Variants in SLC22A23 observed in about 807,000 individuals in gnomAD.
The protein encoded by SLC22A23 is solute carrier family 22 member 23, also known as ion transporter protein.
In SLC22A23, 26 loss-of-function variants were observed where a neutral mutation model predicts 61.0. The ratio of observed to expected loss-of-function variants is 0.43; its 90% CI spans 0.31 to 0.59. The LOEUF (loss-of-function observed/expected upper bound fraction) is 0.59, where lower values mean the gene tolerates loss of function less well. SLC22A23 is among the 20% of genes least tolerant of loss of function. The pLI is 0.11. For missense variants in SLC22A23, 796 were observed against 934.7 expected (o/e 0.85, Z 1.94); for synonymous variants, 430 against 413.9 (o/e 1.04, Z -0.47).
Position 3,272,645 on chromosome 6 carries a change from G to A in SLC22A23, c.*410C>T, listed in dbSNP as rs930207723. On this transcript the variant is annotated 3_prime_UTR_variant, in exon 10 of 10. Transcript: ENST00000406686. ...TGCACGCAGGCAGGCAGCCTGGGGG[G>A]CTCCTGGGTGCTGCCAGGAGCCGTG... 6.4e-6 allele frequency: 1 copy of A among 155,964 alleles called. No individual in the cohort carries two copies. Among genetic ancestry groups the A allele is most frequent in the Non-Finnish European group, 1.4e-5 (1 of 70,364 alleles). 9.7% of individuals were successfully genotyped at this position (155,964 alleles called of 1,614,324 possible). A position where few individuals can be genotyped will look rare whatever the true frequency, so the allele number is the denominator to read the frequency against.
At chr6:3,356,104 G>A (rs1278015761) in intron 3 of SLC22A23, among the ~76,000 whole-genome samples, 1 of 46,158 alleles carries the variant, frequency 2.2e-5, no homozygotes. Flanking sequence ...AGGAGGCGGG[G>A]GTGGGTGGAG....
intron 3 of SLC22A23, among the ~76,000 whole-genome samples, chr6:3,408,298 T>G (rs1768966370): frequency 6.6e-6 from 1 of 152,262 alleles, no homozygotes; most frequent in South Asian, 2.1e-4. Context: ...CAGCTCACTA[T>G]GTAATCTAAT....
chr6:3,368,697 G>A (rs1766001567), intron 3 of SLC22A23, among the ~76,000 whole-genome samples: 1 of 152,140 alleles, frequency 6.6e-6, no homozygotes, highest in Admixed American at 6.6e-5. Flanking sequence ...CAATAGAATG[G>A]GGAATCATTA....
intron 2 of SLC22A23, among the ~76,000 whole-genome samples, chr6:3,415,151 C>T (rs557335030): frequency 3.9e-5 from 6 of 152,330 alleles, no homozygotes; most frequent in African/African-American, 7.2e-5. Context: ...CTAATGTTAT[C>T]ATTATTGCAT....
At chr6:3,283,731 C>G (rs2127308616) in intron 9 of SLC22A23, 121 bp downstream of exon 9, 1 of 1,528,658 alleles carries the variant, frequency 6.5e-7, no homozygotes, top group Non-Finnish European at 8.8e-7. Context: ...AACCACGAAG[C>G]TGATGTGTCC....
chr6:3,288,218 A>T (rs942718753), intron 6 of SLC22A23, among the ~76,000 whole-genome samples: 2 of 151,978 alleles, frequency 1.3e-5, no homozygotes, highest in Non-Finnish European at 2.9e-5. Flanking sequence ...GCCTCGAGGG[A>T]CCCTTCTTAT....
At chr6:3,426,721 A>T (rs914397627) in intron 1 of SLC22A23, among the ~76,000 whole-genome samples, 1 of 151,968 alleles carries the variant, frequency 6.6e-6, no homozygotes, top group African/African-American at 2.4e-5. Context: ...ACAACCGTGG[A>T]TCTAAATGAT....
At chr6:3,289,325 C>A (rs1372237938) in intron 6 of SLC22A23, among the ~76,000 whole-genome samples, 1 of 152,258 alleles carries the variant, frequency 6.6e-6, no homozygotes, top group East Asian at 1.9e-4. Flanking sequence ...CCTGCCTCCA[C>A]CCACGGCTGT....
At chr6:3,395,748 C>T (rs1310846165) in intron 3 of SLC22A23, among the ~76,000 whole-genome samples, 1 of 152,156 alleles carries the variant, frequency 6.6e-6, no homozygotes, top group African/African-American at 2.4e-5. Flanking sequence ...TGGCATTACT[C>T]AAGTCAAAAT....
chr6:3,424,125 G>A (rs1348903710), intron 1 of SLC22A23, among the ~76,000 whole-genome samples: 5 of 152,108 alleles, frequency 3.3e-5, no homozygotes, highest in African/African-American at 9.7e-5. Flanking sequence ...CATCAATTCC[G>A]GAAGAGAGCC....
chr6:3,423,147 T>A (rs1770260983), intron 1 of SLC22A23, among the ~76,000 whole-genome samples: 1 of 152,144 alleles, frequency 6.6e-6, no homozygotes, highest in Non-Finnish European at 1.5e-5. Context: ...TTACTGACAC[T>A]GGGGCTTTCC....
Position 3,323,935 on chromosome 6 carries a change from C to A in SLC22A23, c.981G>T (p.Ala327=), listed in dbSNP as rs147931320. The change falls in exon 4 of 10, where the codon GCG becomes GCT. Residue 327 remains alanine, a synonymous_variant. Coordinates refer to ENST00000406686, the MANE Select transcript of SLC22A23 (RefSeq NM_015482.2). Reference sequence around the variant, plus strand: ...CTAGCCCAGGCATGAGGAACTGGCCCGCCATGGCCACGAAGCTCGCCACCA... The same window carrying A: ...CTAGCCCAGGCATGAGGAACTGGCCAGCCATGGCCACGAAGCTCGCCACCA... The part of the protein sequence containing the change: ...ITMVASFVAM[A]GQFLMPGLAA... The A allele has an allele frequency of 6.2e-7, 1 of 1,614,090 alleles. No individual in the cohort carries two copies. The highest frequency in any genetic ancestry group is 8.5e-7 in the Non-Finnish European group (1 of 1,180,054).
intron 3 of SLC22A23, among the ~76,000 whole-genome samples, chr6:3,358,157 T>C (rs548123602): frequency 9.8e-5 from 15 of 152,326 alleles, no homozygotes; most frequent in African/African-American, 2.6e-4. Context: ...TGGAAAACAG[T>C]ATGGCAGTTC....
intron 9 of SLC22A23, 120 bp downstream of exon 9, chr6:3,283,732 T>G (rs1759699300): frequency 5.2e-6 from 8 of 1,532,730 alleles, no homozygotes; most frequent in Non-Finnish European, 7.0e-6. Context: ...ACCACGAAGC[T>G]GATGTGTCCA....
chr6:3,435,594 G>T (rs1771154977), intron 1 of SLC22A23, among the ~76,000 whole-genome samples: 1 of 152,068 alleles, frequency 6.6e-6, no homozygotes, highest in African/African-American at 2.4e-5. Flanking sequence ...CAGACAGACT[G>T]GACGGAAAGC....
chr6:3,376,310 C>T (rs1486663066), intron 3 of SLC22A23, among the ~76,000 whole-genome samples: 1 of 152,160 alleles, frequency 6.6e-6, no homozygotes, highest in Non-Finnish European at 1.5e-5. Context: ...CCAAAGGAAA[C>T]CAACTCTATA....
intron 3 of SLC22A23, among the ~76,000 whole-genome samples, chr6:3,380,250 G>A (rs1047282745): frequency 6.6e-5 from 10 of 152,274 alleles, no homozygotes; most frequent in African/African-American, 2.2e-4. Context: ...GAAATGAATT[G>A]GTCTGGGTGA....
chr6:3,307,705 C>T (rs898220830), intron 4 of SLC22A23, among the ~76,000 whole-genome samples: 2 of 152,252 alleles, frequency 1.3e-5, no homozygotes, highest in African/African-American at 4.8e-5. Flanking sequence ...TGACACTGTC[C>T]ACAGCAGCTG....
At chr6:3,292,739 C>G (rs1012572561) in intron 5 of SLC22A23, among the ~76,000 whole-genome samples, 4 of 152,230 alleles carry the variant, frequency 2.6e-5, no homozygotes, top group African/African-American at 9.6e-5. Flanking sequence ...AAGCTACGCT[C>G]TCCTTGGAAA....
Sources: gnomAD v4.1 joint callset for allele counts (sites outside exome capture counted in the v4.1 genomes callset) on GRCh38, gnomAD v4.1.1 for gene constraint, MANE v1.5 for transcripts, NCBI Gene and HGNC (gene_info 2026-07-23, HGNC 2026-07-21) for gene names.